The following ATXN7 variants were observed in gnomAD, a reference collection of about 807,000 sequenced individuals.
ATXN7 encodes the protein ataxin-7.
A neutral mutation model predicts 70.5 loss-of-function variants in ATXN7; 12 were observed. That is an observed-to-expected ratio of 0.17 (90% CI 0.11 to 0.28). The LOEUF is 0.28. ATXN7 is among the 10% of genes least tolerant of loss of function. The pLI is 1.00. For synonymous variants in ATXN7, 498 were observed against 448.7 expected (o/e 1.11, Z -1.39); for missense variants, 1,256 against 1,131.7 (o/e 1.11, Z -1.58).
intron 5 of ATXN7, chr3:63,967,848 G>T: frequency 1.3e-6 from 2 of 1,530,576 alleles, no homozygotes; most frequent in South Asian, 2.4e-5. Flanking sequence ...TTGGTGGGCA[G>T]ACCCAAATCA....
chr3:63,919,545 A>T (rs1460157110), intron 4 of ATXN7, among the ~76,000 whole-genome samples: 1 of 152,226 alleles, frequency 6.6e-6, no homozygotes, highest in African/African-American at 2.4e-5. Flanking sequence ...TGGAGAGTAG[A>T]AATGGTTTCA....
intron 1 of ATXN7, chr3:63,864,498 G>C (rs902769617): frequency 6.6e-6 from 1 of 152,254 alleles, no homozygotes; most frequent in East Asian, 2.0e-4. Flanking sequence ...CCGGGTTCCA[G>C]GTCGCGCGGT....
At chr3:63,863,687 CG>C (rs1702299920), upstream of ATXN7, 1 of 1,238,230 alleles carries the variant, frequency 8.1e-7, no homozygotes, top group Non-Finnish European at 1.0e-6. Context: ...GAGGGGTTCC[CG>C]GAAGCGGGCC....
intron 1 of ATXN7, among the ~76,000 whole-genome samples, chr3:63,875,247 C>T (rs2107209090): frequency 6.6e-6 from 1 of 152,134 alleles, no homozygotes; most frequent in Non-Finnish European, 1.5e-5. Flanking sequence ...CATGCCATTA[C>T]ACTTAGCTAA....
intron 2 of ATXN7, among the ~76,000 whole-genome samples, 162 bp from the exon 3 acceptor site, chr3:63,912,426 G>A (rs866314676): frequency 1.1e-4 from 16 of 151,594 alleles, no homozygotes; most frequent in South Asian, 4.1e-4. Context: ...GGGGCGGGGG[G>A]TGGCCTTGAG....
intron 1 of ATXN7, among the ~76,000 whole-genome samples, chr3:63,869,347 C>G (rs141928127): frequency 6.6e-6 from 1 of 152,320 alleles, no homozygotes; most frequent in African/African-American, 2.4e-5. Flanking sequence ...CTAGTAAGTA[C>G]TCAGAAAGTG....
intron 4 of ATXN7, among the ~76,000 whole-genome samples, chr3:63,942,084 C>G (rs2074778754): frequency 6.6e-6 from 1 of 152,142 alleles, no homozygotes; most frequent in Admixed American, 6.5e-5. Flanking sequence ...TGAGAGCAGA[C>G]AGTACAGAGG....
chr3:63,938,644 G>T (rs945036255), intron 4 of ATXN7, among the ~76,000 whole-genome samples: 5 of 152,188 alleles, frequency 3.3e-5, no homozygotes, highest in African/African-American at 1.2e-4. Context: ...ACAGGACCTG[G>T]TCTGACCAAG....
At chr3:63,863,810 G>A, upstream of ATXN7, 4 of 1,234,540 alleles carry the variant, frequency 3.2e-6, no homozygotes, top group South Asian at 1.2e-4. Flanking sequence ...GGCGGCGGCG[G>A]CGGCGGCGGC....
In ATXN7 at chr3:63,926,519, C is replaced by T. The variant is rs996205449; in HGVS notation, c.394+13294C>T. Among the ~76,000 whole-genome samples the T allele has an allele frequency of 2.0e-4, 31 of 152,028 alleles. 1 individual carries two copies. The highest frequency in any genetic ancestry group is 1.9e-4 in the East Asian group (1 of 5,186). ...CAGGGGGCGGAGTGGCTGGAGAGGC[C>T]AGTGTGGAGAGAATGCTGTGGAAAA... On this transcript the variant is annotated intron_variant, in intron 4 of 12. Coordinates refer to ENST00000674280, the MANE Select transcript of ATXN7 (RefSeq NM_001377405.1).
Position 63,990,289 on chromosome 3 carries a change from G to T in ATXN7, c.1475G>T (p.Ser492Ile). The T allele has an allele frequency of 6.2e-7, 1 of 1,614,156 alleles. No homozygotes were observed. The highest frequency in any genetic ancestry group is 8.5e-7 in the Non-Finnish European group (1 of 1,180,042). Residue 492 changes from serine to isoleucine, a missense_variant, in exon 10 of 13, where the codon AGT becomes ATT. Coordinates refer to ENST00000674280, the MANE Select transcript of ATXN7 (RefSeq NM_001377405.1). ...PATEPASRLS[S>I]EEGEGDDKEE... is the part of the protein sequence containing the mutation. ...ACTGAGCCAGCTTCTCGGTTATCCA[G>T]TGAGGAGGGCGAAGGCGATGACAAA...
rs2075753382 is a variant in ATXN7, at chr3:63,996,019, T to C, written c.2197T>C (p.Ser733Pro). 1 of 1,613,992 alleles carries C rather than the reference T, an allele frequency of 6.2e-7. No individual in the cohort carries two copies. Among genetic ancestry groups the C allele is most frequent in the Admixed American group, 1.7e-5 (1 of 60,004 alleles). The change falls in exon 12 of 13, where the codon TCT (serine) becomes CCT (proline). Residue 733 changes from serine to proline, a missense_variant. Transcript: ENST00000674280. Reference protein sequence around the residue: ...SSSSSSHSMESFRKNCVAHSG... With the variant: ...SSSSSSHSMEPFRKNCVAHSG... ...CTCCTCTTCTTCTCATTCCATGGAG[T>C]CTTTTAGGAAAAACTGTGTGGCTCA...
chr3:63,883,380 G>T (rs1426044730), intron 1 of ATXN7, among the ~76,000 whole-genome samples: 1 of 152,106 alleles, frequency 6.6e-6, no homozygotes, highest in Non-Finnish European at 1.5e-5. Flanking sequence ...TTGGTTGAAG[G>T]CTGAGGTGAA....
rs116470605 is a variant in ATXN7 at position 63,900,122 on chromosome 3, A to G, written c.-12+1625A>G. 6.6e-3 allele frequency among the ~76,000 whole-genome samples: 1,010 copies of G among 152,224 alleles called. 9 individuals are homozygous for G. Among genetic ancestry groups the G allele is most frequent in the African/African-American group, 0.023 (935 of 41,548 alleles). On this transcript the variant is annotated intron_variant, in intron 2 of 12. Transcript: ENST00000674280. ...ACAACAACAACAAAATTATTCTCCTACTTCTGAAAGGAATGAGATAACCTT... is the reference window on the plus strand; with the variant it reads ...ACAACAACAACAAAATTATTCTCCTGCTTCTGAAAGGAATGAGATAACCTT...
chr3:63,998,217 G>C, intron 12 of ATXN7: 1 of 979,004 alleles, frequency 1.0e-6, no homozygotes, highest in Non-Finnish European at 1.2e-6. Context: ...GGGGCCAGGT[G>C]GGGCACAGCA....
chr3:63,946,499 C>T (rs1238333362), intron 4 of ATXN7, among the ~76,000 whole-genome samples: 3 of 151,906 alleles, frequency 2.0e-5, no homozygotes, highest in South Asian at 2.1e-4. Context: ...GAAAATTAGC[C>T]GGGCATGGTA....
Position 63,996,130 on chromosome 3 carries a change from G to T in ATXN7, c.2308G>T (p.Val770Phe). Reference protein sequence around the residue: ...CVTNKANAVNVRHDQSGRGPP... With the variant: ...CVTNKANAVNFRHDQSGRGPP... ...GACGAATAAAGCAAATGCGGTGAAC[G>T]TCCGGCATGACCAGTCAGGGAGGGG... The change falls in exon 12 of 13, where the codon GTC becomes TTC. Residue 770 changes from valine to phenylalanine, a missense_variant. Physicochemically the swap from Val to Phe is conservative, Grantham distance 50. Transcript: ENST00000674280. 6.2e-7 allele frequency: 1 copy of T among 1,614,154 alleles called. No homozygotes were observed. Among genetic ancestry groups the T allele is most frequent in the Non-Finnish European group, 8.5e-7 (1 of 1,180,028 alleles).
At chr3:63,865,592 G>A (rs934489051) in intron 1 of ATXN7, among the ~76,000 whole-genome samples, 1 of 151,914 alleles carries the variant, frequency 6.6e-6, no homozygotes, top group South Asian at 2.1e-4. Context: ...GATAGTTATT[G>A]TTTAGAAAGT....
rs1559667125 is a variant in ATXN7 at position 64,001,852 on chromosome 3, G to A, written c.*2385G>A. 6.6e-6 allele frequency: 1 copy of A among 152,126 alleles called. No homozygotes were observed. Among genetic ancestry groups the A allele is most frequent in the East Asian group, 1.9e-4 (1 of 5,188 alleles). The allele number at this position is 152,126 out of a possible 1,614,324, so 9.4% of individuals were successfully genotyped here. A position where few individuals can be genotyped will look rare whatever the true frequency, so the allele number is the denominator to read the frequency against. ...GACCATTTAAAACACGGGAGTACAA[G>A]TATTTTTTTGAATTAAATTAACTTG... On this transcript the variant is annotated 3_prime_UTR_variant, in exon 13 of 13. Transcript: ENST00000674280.
Sources: allele counts gnomAD v4.1 joint callset (sites outside exome capture counted in the v4.1 genomes callset), GRCh38; gene constraint gnomAD v4.1.1; transcripts MANE v1.5; gene names NCBI Gene and HGNC (gene_info 2026-07-23, HGNC 2026-07-21).